Variants in SORCS1 observed in about 807,000 individuals in gnomAD.
SORCS1 encodes the protein VPS10 domain-containing receptor SorCS1.
Under a neutral mutation model 146.1 loss-of-function variants are expected in SORCS1, and 60 were observed. That is an observed-to-expected ratio of 0.41 (90% CI 0.33 to 0.51). The LOEUF (loss-of-function observed/expected upper bound fraction) is 0.51, where lower values mean the gene tolerates loss of function less well. SORCS1 is among the 20% of genes least tolerant of loss of function. SORCS1 has a pLI of 0.21. For synonymous variants in SORCS1, 637 were observed against 584.0 expected, an observed-to-expected ratio of 1.09 and a Z score of -1.31; for missense variants, 1,352 against 1,487.6, an observed-to-expected ratio of 0.91 and a Z score of 1.50.
chr10:106,697,698 C>G (rs1853811771), intron 9 of SORCS1, among the ~76,000 whole-genome samples: 1 of 152,012 alleles, frequency 6.6e-6, no homozygotes, highest in Non-Finnish European at 1.5e-5. Flanking sequence ...CTCATTTAAT[C>G]CTCAGAAAAA....
At chr10:106,593,588 A>G (rs1333580869) in intron 24 of SORCS1, among the ~76,000 whole-genome samples, 1 of 152,230 alleles carries the variant, frequency 6.6e-6, no homozygotes, top group Non-Finnish European at 1.5e-5. Flanking sequence ...ATAAATCTAT[A>G]TCTACTCCAG....
chr10:107,102,489 T>G (rs1041301332), intron 1 of SORCS1, among the ~76,000 whole-genome samples: 6 of 152,342 alleles, frequency 3.9e-5, no homozygotes, highest in African/African-American at 1.4e-4. Context: ...TGTCAGTGGC[T>G]GGCATTTTTA....
At chr10:107,171,961 A>G in the SORCS1 span, among the ~76,000 whole-genome samples, 1 of 152,206 alleles carries the variant, frequency 6.6e-6, no homozygotes, top group Non-Finnish European at 1.5e-5. Flanking sequence ...CTCAGTTACT[A>G]TCATCAGGTA....
intron 1 of SORCS1, among the ~76,000 whole-genome samples, chr10:107,051,528 C>T (rs1960120609): frequency 6.6e-6 from 1 of 152,114 alleles, no homozygotes; most frequent in Admixed American, 6.6e-5. Context: ...CAGAAAAACA[C>T]CCATCCATGC....
chr10:106,913,710 C>T (rs1952275558), intron 2 of SORCS1, among the ~76,000 whole-genome samples: 1 of 152,204 alleles, frequency 6.6e-6, no homozygotes, highest in African/African-American at 2.4e-5. Context: ...GTTCTTGTCT[C>T]AGCTCATAAC....
Position 107,060,616 on chromosome 10 carries a change from T to C in SORCS1, c.558+103353A>G, listed in dbSNP as rs533125486. Among the ~76,000 whole-genome samples the C allele has an allele frequency of 2.0e-5, 3 of 152,288 alleles. No individual in the cohort carries two copies. The highest frequency in any genetic ancestry group is 4.1e-4 in the South Asian group (2 of 4,832). On this transcript the variant is annotated intron_variant, in intron 1 of 25. Coordinates refer to ENST00000263054, the MANE Select transcript of SORCS1 (RefSeq NM_052918.5). The surrounding 1 kb of genome is among the most constrained non-coding windows in gnomAD (Gnocchi z 4.1). Reference sequence around the variant, plus strand: ...TCAGGAAAAGGAGCTGCCCAATCTATATCTTTGCCAACAACCCTTTTCCCT... The same window carrying C: ...TCAGGAAAAGGAGCTGCCCAATCTACATCTTTGCCAACAACCCTTTTCCCT...
chr10:106,594,810 G>T (rs1219307173), intron 24 of SORCS1, among the ~76,000 whole-genome samples: 3 of 152,192 alleles, frequency 2.0e-5, no homozygotes, highest in Non-Finnish European at 2.9e-5. Flanking sequence ...CTTCAGTATG[G>T]AATATCCGGC....
At chr10:106,887,792 G>A (rs1951057793) in intron 2 of SORCS1, among the ~76,000 whole-genome samples, 1 of 152,060 alleles carries the variant, frequency 6.6e-6, no homozygotes, top group Non-Finnish European at 1.5e-5. Flanking sequence ...ATGTTTACAT[G>A]ACTATTATTT....
chr10:106,594,295 G>T (rs567401049), intron 24 of SORCS1, among the ~76,000 whole-genome samples: 3 of 152,220 alleles, frequency 2.0e-5, no homozygotes, highest in African/African-American at 7.2e-5. Context: ...GTTAAATACG[G>T]TTAACATATC....
chr10:107,179,904 C>CTTTTTTT, the SORCS1 span, among the ~76,000 whole-genome samples: 22 of 51,282 alleles, frequency 4.3e-4, 6 homozygotes, highest in African/African-American at 1.4e-3. Flanking sequence ...ACAAAACAGA[C>CTTTTTTT]TTTTTTTTTT....
At chr10:106,772,300 C>T (rs1197205597) in intron 4 of SORCS1, among the ~76,000 whole-genome samples, 3 of 152,140 alleles carry the variant, frequency 2.0e-5, no homozygotes, top group Non-Finnish European at 2.9e-5. Flanking sequence ...TGGACCAGGA[C>T]TTACACCATT....
At chr10:106,767,672 A>T (rs1859681548) in intron 4 of SORCS1, among the ~76,000 whole-genome samples, 1 of 151,860 alleles carries the variant, frequency 6.6e-6, no homozygotes. Context: ...TATTTTTAGT[A>T]GAGAGGGGTG....
chr10:106,865,907 C>T (rs1950206894), intron 2 of SORCS1, among the ~76,000 whole-genome samples: 2 of 151,576 alleles, frequency 1.3e-5, no homozygotes, highest in Non-Finnish European at 2.9e-5. Flanking sequence ...GTGGCATGCA[C>T]CTGTAATCCC....
At chr10:106,854,178 G>A (rs1949696323) in intron 2 of SORCS1, among the ~76,000 whole-genome samples, 1 of 151,884 alleles carries the variant, frequency 6.6e-6, no homozygotes, top group African/African-American at 2.4e-5. Context: ...TTGGCATATT[G>A]ACTCCCCTTT....
intron 24 of SORCS1, among the ~76,000 whole-genome samples, chr10:106,589,905 A>T (rs1006791797): frequency 1.1e-4 from 17 of 152,132 alleles, no homozygotes; most frequent in African/African-American, 4.1e-4. Flanking sequence ...TCATTTTCCA[A>T]ATTCATTATA....
chr10:107,175,188 CA>C, the SORCS1 span, among the ~76,000 whole-genome samples: 1 of 152,230 alleles, frequency 6.6e-6, no homozygotes, highest in Non-Finnish European at 1.5e-5. Flanking sequence ...CAAGTATATT[CA>C]TGAGATATCC....
chr10:106,712,270 A>G (rs1011582478), intron 6 of SORCS1, among the ~76,000 whole-genome samples: 1 of 152,186 alleles, frequency 6.6e-6, no homozygotes, highest in Non-Finnish European at 1.5e-5. Flanking sequence ...GGTGTAAGGA[A>G]GAAGAGCTGG....
intron 1 of SORCS1, among the ~76,000 whole-genome samples, chr10:107,030,279 G>C (rs1314365608): frequency 6.6e-6 from 1 of 152,124 alleles, no homozygotes; most frequent in African/African-American, 2.4e-5. Context: ...AAAGTTCTAA[G>C]CTAAGTACTC....
chr10:106,779,232 C>T (rs1368930419), intron 3 of SORCS1, among the ~76,000 whole-genome samples: 1 of 152,090 alleles, frequency 6.6e-6, no homozygotes, highest in East Asian at 1.9e-4. Context: ...AGAAATTTCC[C>T]GGTGAGCTTT....
Sources: gnomAD v4.1 joint callset for allele counts (sites outside exome capture counted in the v4.1 genomes callset) on GRCh38, gnomAD v4.1.1 for gene constraint, Gnocchi (gnomAD v3.1) non-coding constraint, MANE v1.5 for transcripts, NCBI Gene and HGNC (gene_info 2026-07-23, HGNC 2026-07-21) for gene names.